KIF1A: variants seen among roughly 807,000 people sequenced by gnomAD.
KIF1A encodes kinesin family member 1A.
Under a neutral mutation model 227.3 loss-of-function variants are expected in KIF1A, and 46 were observed. The observed-to-expected ratio is 0.20, with a 90% CI of 0.16 to 0.26. KIF1A has a LOEUF of 0.26. KIF1A is among the 10% of genes least tolerant of loss of function. The pLI is 1.00. For synonymous variants in KIF1A, 1,022 were observed against 1,012.8 expected (o/e 1.01, Z -0.17); for missense variants, 1,683 against 2,485.9 (o/e 0.68, Z 6.87).
At chr2:240,768,238 TG>T (rs1575597018) in intron 17 of KIF1A, among the ~76,000 whole-genome samples, 4 of 152,220 alleles carry the variant, frequency 2.6e-5, no homozygotes, top group Non-Finnish European at 5.9e-5. Context: ...GGATGGGGTC[TG>T]AAACAGTGCA....
intron 2 of KIF1A, among the ~76,000 whole-genome samples, chr2:240,797,369 AG>A (rs1223988243): frequency 7.2e-5 from 11 of 152,144 alleles, no homozygotes; most frequent in African/African-American, 2.7e-4. Flanking sequence ...AAGGCAGGAA[AG>A]GTCCTCCCTA....
rs893892494 is a variant in KIF1A at position 240,786,703 on chromosome 2, C to T, written c.430-190G>A. 8.3e-4 allele frequency among the ~76,000 whole-genome samples: 111 copies of T among 134,420 alleles called. 2 individuals carry two copies. Among genetic ancestry groups the T allele is most frequent in the African/African-American group, 2.5e-3 (90 of 36,584 alleles). The allele number at this position is 134,420 out of a possible 152,430, so 88.2% of individuals were successfully genotyped here. A position where few individuals can be genotyped will look rare whatever the true frequency, so the allele number is the denominator to read the frequency against. On this transcript the variant is annotated intron_variant, in intron 5 of 48. Coordinates refer to ENST00000498729, the MANE Select transcript of KIF1A (RefSeq NM_001244008.2). ...GGACCCCTGAGGGGATGGGAGCCAGCATCAGGACCCCTGAGTGAGGGGGTG... is the reference window on the plus strand; with the variant it reads ...GGACCCCTGAGGGGATGGGAGCCAGTATCAGGACCCCTGAGTGAGGGGGTG...
rs909380184 is a variant in KIF1A at position 240,714,934 on chromosome 2, C to T, written c.*2430G>A. 2.0e-5 allele frequency: 3 copies of T among 152,266 alleles called. No individual in the cohort carries two copies. In the East Asian group the frequency reaches 5.8e-4, roughly 29 times the overall value. The allele number at this position is 152,266 out of a possible 1,614,324, so 9.4% of individuals were successfully genotyped here. On this transcript the variant is annotated 3_prime_UTR_variant, in exon 49 of 49. Transcript: ENST00000498729. ...TGGAGGCTTCTGAATTTAGGCAGCT[C>T]CCAGGCACCTCCACTCAGCCCACCC...
Position 240,769,211 on chromosome 2 carries a change from G to T in KIF1A, c.1422-3C>A. ...CCATCTCGGCCAGCAGGGCTTCCCTGGGGGAACAGAGCTGAGGTCAGCACA... is the reference window on the plus strand; with the variant it reads ...CCATCTCGGCCAGCAGGGCTTCCCTTGGGGAACAGAGCTGAGGTCAGCACA... On this transcript the variant is annotated splice_region_variant and splice_polypyrimidine_tract_variant and intron_variant, in intron 16 of 48. Coordinates refer to ENST00000498729, the MANE Select transcript of KIF1A (RefSeq NM_001244008.2). 6.2e-7 allele frequency: 1 copy of T among 1,606,754 alleles called. No homozygotes were observed. Among genetic ancestry groups the T allele is most frequent in the East Asian group, 2.2e-5 (1 of 44,658 alleles).
chr2:240,743,810 C>T (rs1239054892), intron 33 of KIF1A, 132 bp downstream of exon 33: 3 of 620,206 alleles, frequency 4.8e-6, no homozygotes, highest in Non-Finnish European at 8.6e-6. Context: ...GGGCAAAAGG[C>T]CTCCTGGATG....
rs1309731126 is a variant in KIF1A at position 240,766,179 on chromosome 2, C to G, written c.1685-386G>C. Among the ~76,000 whole-genome samples the G allele has an allele frequency of 6.6e-6, 1 of 151,890 alleles. No individual in the cohort carries two copies. Among genetic ancestry groups the G allele is most frequent in the African/African-American group, 2.4e-5 (1 of 41,124 alleles). Reference sequence around the variant, plus strand: ...TGCAGTCAGAGAATTCCAGGAGAGCCAATCGTCCCAACACCACTTAGGGCC... The same window carrying G: ...TGCAGTCAGAGAATTCCAGGAGAGCGAATCGTCCCAACACCACTTAGGGCC... On this transcript the variant is annotated intron_variant, in intron 19 of 48. Coordinates refer to ENST00000498729, the MANE Select transcript of KIF1A (RefSeq NM_001244008.2). This position sits in a 1 kb window ranked among gnomAD's most constrained non-coding sequence, Gnocchi z 5.0.
intron 38 of KIF1A, among the ~76,000 whole-genome samples, chr2:240,731,137 C>T (rs375549861): frequency 6.6e-6 from 1 of 152,236 alleles, no homozygotes; most frequent in South Asian, 2.1e-4. Flanking sequence ...AGAGATTTTA[C>T]AGCTAGGCTA....
chr2:240,808,412 TACC>T lies in KIF1A; in HGVS notation c.-60-10603_-60-10601del. Among the ~76,000 whole-genome samples, 3 of 152,170 alleles carry T rather than the reference TACC, an allele frequency of 2.0e-5. 1 individual carries two copies. The South Asian group carries it at 6.2e-4, about 32-fold the overall frequency. ...AGTGGCTCACACCTGTAGTCCCAGCTACCATGGAGGCTGAGGTAGAAGGATTGC... is the reference window on the plus strand; with the variant it reads ...AGTGGCTCACACCTGTAGTCCCAGCTATGGAGGCTGAGGTAGAAGGATTGC... On this transcript the variant is annotated intron_variant, in intron 1 of 48. Coordinates refer to ENST00000498729, the MANE Select transcript of KIF1A (RefSeq NM_001244008.2).
intron 1 of KIF1A, among the ~76,000 whole-genome samples, chr2:240,808,844 C>T (rs1028617539): frequency 2.6e-5 from 4 of 152,098 alleles, no homozygotes; most frequent in African/African-American, 9.6e-5. Context: ...GATTCTCCTG[C>T]CTCAGCCTCC....
rs1208369441 is a variant in KIF1A, at chr2:240,765,782, A to G, written c.1696T>C (p.Leu566=). 1 of 1,613,208 alleles carries G rather than the reference A, an allele frequency of 6.2e-7. No homozygotes were observed. The highest frequency in any genetic ancestry group is 8.5e-7 in the Non-Finnish European group (1 of 1,179,566). ...GTGTCTGCCCCCTCACAGGGCTCCAAGGTCACCACAGCTACAGGAAAGGTG... is the reference window on the plus strand; with the variant it reads ...GTGTCTGCCCCCTCACAGGGCTCCAGGGTCACCACAGCTACAGGAAAGGTG... The part of the protein sequence containing the change: ...SRGGSEAVVT[L]EPCEGADTYV... Residue 566 remains leucine (L), a synonymous_variant, in exon 20 of 49, where the codon TTG becomes CTG. Coordinates refer to ENST00000498729, the MANE Select transcript of KIF1A (RefSeq NM_001244008.2).
rs544237903 is a variant in KIF1A at position 240,749,408 on chromosome 2, C to T, written c.2977+1021G>A. On this transcript the variant is annotated intron_variant, in intron 28 of 48. Coordinates refer to ENST00000498729, the MANE Select transcript of KIF1A (RefSeq NM_001244008.2). Reference sequence around the variant, plus strand: ...CAGCCCCAGCCCGGCAGCCAGGAGCCCCCCTGCAGCCATGGATGCACGTCC... The same window carrying T: ...CAGCCCCAGCCCGGCAGCCAGGAGCTCCCCTGCAGCCATGGATGCACGTCC... Among the ~76,000 whole-genome samples, 40 of 152,274 alleles carry T rather than the reference C, an allele frequency of 2.6e-4. No homozygotes were observed. The South Asian group carries it at 6.6e-3, about 25-fold the overall frequency.
intron 38 of KIF1A, 142 bp from the exon 39 acceptor site, chr2:240,727,082 G>T: frequency 1.8e-6 from 1 of 563,960 alleles, no homozygotes. Flanking sequence ...AGCCCGGGCG[G>T]CGGTGCCAGG....
Position 240,760,699 on chromosome 2 carries a change from C to T in KIF1A, c.2410G>A (p.Gly804Arg), listed in dbSNP as rs773066933. 2 of 1,574,396 alleles carry T rather than the reference C, an allele frequency of 1.3e-6. No individual in the cohort carries two copies. The highest frequency in any genetic ancestry group is 1.2e-5 in the South Asian group (1 of 85,670). The part of the protein sequence containing the change: ...VAVEVQDQKN[G>R]ATHYWTLEKL... The stretch of plus-strand genomic sequence containing the variant: ...TCCAGCGTCCAGTAGTGGGTGGCCC[C>T]GTTCTTCTGGTCCTGGACCTCCACG... The change falls in exon 25 of 49, where the codon GGG becomes AGG. Residue 804 changes from glycine (G) to arginine (R), a missense_variant. Transcript: ENST00000498729.
intron 37 of KIF1A, chr2:240,737,622 A>T (rs1299208708): frequency 6.2e-6 from 1 of 161,870 alleles, no homozygotes; most frequent in Admixed American, 5.9e-5. Context: ...ATGGGAAGGG[A>T]TAGGAGAGAA....
At chr2:240,746,284 G>C in intron 29 of KIF1A, 107 bp from the exon 30 acceptor site, 3 of 1,377,704 alleles carry the variant, frequency 2.2e-6, no homozygotes, top group Non-Finnish European at 3.0e-6. Flanking sequence ...CAGAGCCTGG[G>C]CTGGGGCCTC....
intron 1 of KIF1A, among the ~76,000 whole-genome samples, chr2:240,807,861 G>C (rs115320422): frequency 6.6e-6 from 1 of 152,098 alleles, no homozygotes; most frequent in African/African-American, 2.4e-5. Flanking sequence ...CTTGACATTA[G>C]GATAGCTATT....
At chr2:240,798,007 G>C in intron 1 of KIF1A, 195 bp from the exon 2 acceptor site, 1 of 410,090 alleles carries the variant, frequency 2.4e-6, no homozygotes, top group South Asian at 4.9e-5. Flanking sequence ...GGGACCAGTG[G>C]AACCCAGCTT....
At chr2:240,799,520 C>T (rs540011911) in intron 1 of KIF1A, among the ~76,000 whole-genome samples, 9 of 152,080 alleles carry the variant, frequency 5.9e-5, no homozygotes, top group Admixed American at 2.0e-4. Context: ...CAGGTGCAGC[C>T]GCGTCTACAC....
intron 25 of KIF1A, among the ~76,000 whole-genome samples, chr2:240,759,822 C>T (rs3772058): frequency 0.27 from 41,362 of 151,968 alleles, 5,859 homozygotes; most frequent in East Asian, 0.56. Flanking sequence ...GCCTGTGCAA[C>T]AGAGCGAGAC....
Sources: allele counts gnomAD v4.1 joint callset (sites outside exome capture counted in the v4.1 genomes callset), GRCh38; gene constraint gnomAD v4.1.1; non-coding constraint Gnocchi (gnomAD v3.1); transcripts MANE v1.5; gene names NCBI Gene and HGNC (gene_info 2026-07-23, HGNC 2026-07-21).